Variants in CADPS observed in about 807,000 individuals in gnomAD.
CADPS encodes the protein calcium-dependent secretion activator 1.
Under a neutral mutation model 167.3 loss-of-function variants are expected in CADPS, and 57 were observed. The ratio of observed to expected loss-of-function variants is 0.34; its 90% confidence interval spans 0.28 to 0.42. CADPS has a LOEUF of 0.42. Ranked by LOEUF, CADPS falls within the 20% of genes least tolerant of loss-of-function variation. CADPS has a pLI of 1.00. For synonymous variants in CADPS, 676 were observed against 635.3 expected, an observed-to-expected ratio of 1.06 and a Z score of -0.96; for missense variants, 1,414 against 1,738.1, an observed-to-expected ratio of 0.81 and a Z score of 3.32.
At chr3:62,718,141 A>T (rs2085047679) in intron 3 of CADPS, among the ~76,000 whole-genome samples, 1 of 152,048 alleles carries the variant, frequency 6.6e-6, no homozygotes, top group African/African-American at 2.4e-5. Context: ...TACCATCTGC[A>T]ATCTTATTTC....
chr3:62,577,404 T>C (rs993643157), intron 8 of CADPS, among the ~76,000 whole-genome samples: 1 of 152,152 alleles, frequency 6.6e-6, no homozygotes, highest in Non-Finnish European at 1.5e-5. Flanking sequence ...TAAAAATTTC[T>C]TATAAGAACA....
intron 3 of CADPS, among the ~76,000 whole-genome samples, chr3:62,676,807 T>C (rs11706343): frequency 6.6e-6 from 1 of 152,126 alleles, no homozygotes; most frequent in African/African-American, 2.4e-5. Context: ...GCCTGACATG[T>C]GCAGTTGTGT....
chr3:62,599,762 G>A (rs1437824235), intron 6 of CADPS, among the ~76,000 whole-genome samples: 24 of 2,990 alleles, frequency 8.0e-3, no homozygotes, highest in East Asian at 0.25. Context: ...TATATATATT[G>A]TATATATAAT....
At chr3:62,479,285 C>A (rs898048219) in intron 22 of CADPS, among the ~76,000 whole-genome samples, 1 of 152,238 alleles carries the variant, frequency 6.6e-6, no homozygotes, top group South Asian at 2.1e-4. Context: ...AATGCTCCAT[C>A]TCTCATCCTC....
At chr3:62,618,323 C>G (rs1056091860) in intron 6 of CADPS, among the ~76,000 whole-genome samples, 1 of 152,042 alleles carries the variant, frequency 6.6e-6, no homozygotes, top group Non-Finnish European at 1.5e-5. Context: ...TAGCCCTAAA[C>G]TCTTCATTTA....
At chr3:62,861,983 C>G (rs9840314) in intron 1 of CADPS, among the ~76,000 whole-genome samples, 22,555 of 151,896 alleles carry the variant, frequency 0.15, 1,689 homozygotes, top group Middle Eastern at 0.16. Context: ...CTTCTTCCAC[C>G]CAGCCTGGCC....
intron 1 of CADPS, among the ~76,000 whole-genome samples, chr3:62,769,159 T>C (rs973099727): frequency 6.6e-6 from 1 of 152,084 alleles, no homozygotes; most frequent in Non-Finnish European, 1.5e-5. Flanking sequence ...AGCAAAATAC[T>C]CACTGCAGAA....
intron 1 of CADPS, among the ~76,000 whole-genome samples, chr3:62,782,990 C>G (rs1386887738): frequency 6.6e-6 from 1 of 152,086 alleles, no homozygotes; most frequent in Non-Finnish European, 1.5e-5. Flanking sequence ...AAACTCCTGA[C>G]CTCAGGTTAT....
intron 11 of CADPS, among the ~76,000 whole-genome samples, chr3:62,547,213 G>T (rs2076587725): frequency 6.6e-6 from 1 of 152,140 alleles, no homozygotes; most frequent in South Asian, 2.1e-4. Context: ...GGACGGCTGG[G>T]ATCCACACTA....
intron 3 of CADPS, among the ~76,000 whole-genome samples, chr3:62,723,368 C>T (rs2076164809): frequency 6.6e-6 from 1 of 152,010 alleles, no homozygotes; most frequent in Admixed American, 6.6e-5. Context: ...TTCAGCGGAC[C>T]CTGATGCCAG....
intron 8 of CADPS, among the ~76,000 whole-genome samples, chr3:62,572,862 T>C (rs573291385): frequency 1.3e-5 from 2 of 152,274 alleles, no homozygotes; most frequent in East Asian, 1.9e-4. Context: ...GCATGTAACC[T>C]AAGCACATCC....
intron 26 of CADPS, among the ~76,000 whole-genome samples, chr3:62,449,784 A>G: frequency 6.8e-6 from 1 of 146,820 alleles, no homozygotes; most frequent in East Asian, 2.0e-4. Context: ...TTTTCCATCA[A>G]TGGTTGTTAA....
intron 8 of CADPS, among the ~76,000 whole-genome samples, chr3:62,583,548 G>A (rs2083916041): frequency 6.6e-6 from 1 of 152,146 alleles, no homozygotes; most frequent in South Asian, 2.1e-4. Context: ...ACATGCTCCT[G>A]TGGCTTTTTC....
At chr3:62,687,957 A>C (rs1415227340) in intron 3 of CADPS, among the ~76,000 whole-genome samples, 1 of 152,004 alleles carries the variant, frequency 6.6e-6, no homozygotes. Flanking sequence ...TCCTAAAGTA[A>C]AACAATTCTT....
chr3:62,617,185 A>G (rs575861108), intron 6 of CADPS, among the ~76,000 whole-genome samples: 267 of 152,302 alleles, frequency 1.8e-3, no homozygotes, highest in Middle Eastern at 0.017. Flanking sequence ...ACAGTTTGGT[A>G]TAGTTCAAGA....
At chr3:62,550,249 G>A (rs1424351686) in intron 10 of CADPS, 134 bp from the exon 11 acceptor site, 2 of 647,828 alleles carry the variant, frequency 3.1e-6, no homozygotes, top group East Asian at 2.7e-5. Flanking sequence ...CTTAGGATGG[G>A]AAGTCTGAGA....
chr3:62,875,091 G>T lies in CADPS; in HGVS notation c.-62C>A, dbSNP rs963941014. The T allele has an allele frequency of 4.7e-5, 69 of 1,480,636 alleles. No individual in the cohort carries two copies. Among genetic ancestry groups the T allele is most frequent in the Non-Finnish European group, 6.1e-5 (67 of 1,106,938 alleles). The allele number at this position is 1,480,636 out of a possible 1,614,324, so 91.7% of individuals were successfully genotyped here. On this transcript the variant is annotated 5_prime_UTR_variant, in exon 1 of 30. Transcript: ENST00000383710. ...GCTTGGAGTGCAAAAGGTGGGGGGC[G>T]CTGGAGGCAGCCGGGGATCAGCTCT...
intron 13 of CADPS, among the ~76,000 whole-genome samples, chr3:62,524,075 C>T (rs2071419472): frequency 6.6e-6 from 1 of 152,186 alleles, no homozygotes; most frequent in African/African-American, 2.4e-5. Context: ...CTTTTAACCA[C>T]TGACTTAAAA....
intron 1 of CADPS, among the ~76,000 whole-genome samples, chr3:62,821,566 G>C (rs958590344): frequency 3.9e-5 from 6 of 152,016 alleles, no homozygotes; most frequent in African/African-American, 1.5e-4. Flanking sequence ...CTCTATGTCT[G>C]TGTCTTTACA....
Sources: gnomAD v4.1 joint callset for allele counts (sites outside exome capture counted in the v4.1 genomes callset) on GRCh38, gnomAD v4.1.1 for gene constraint, MANE v1.5 for transcripts, NCBI Gene and HGNC (gene_info 2026-07-23, HGNC 2026-07-21) for gene names.